The following KLHDC4 variants were observed in gnomAD, a reference collection of about 807,000 sequenced individuals.
The protein encoded by KLHDC4 is kelch domain containing 4.
In KLHDC4, 90 loss-of-function variants were observed where a neutral mutation model predicts 62.4. The observed-to-expected ratio is 1.44, with a 90% CI of 1.22 to 1.72. The LOEUF is 1.72. Ranked by LOEUF, KLHDC4 falls within the 40% of genes most tolerant of loss-of-function variation. The pLI is 0.00. For missense variants in KLHDC4, 1,025 were observed against 699.7 expected (o/e 1.47, Z -5.25); for synonymous variants, 386 against 284.4 (o/e 1.36, Z -3.59).
chr16:87,750,136 G>A (rs1472426148), intron 4 of KLHDC4: 1 of 152,238 alleles, frequency 6.6e-6, no homozygotes, highest in African/African-American at 2.4e-5. Flanking sequence ...AGTCTTTAGG[G>A]GACGGCACAC....
intron 5 of KLHDC4, among the ~76,000 whole-genome samples, chr16:87,748,047 ACTT>A (rs2043303702): frequency 6.6e-6 from 1 of 152,276 alleles, no homozygotes; most frequent in African/African-American, 2.4e-5. Context: ...ATTCGACTAG[ACTT>A]CTTCTCTTAA....
At chr16:87,727,270 A>ACAGAGG in intron 6 of KLHDC4, among the ~76,000 whole-genome samples, 1 of 152,354 alleles carries the variant, frequency 6.6e-6, no homozygotes, top group Middle Eastern at 3.4e-3. Context: ...ATGCTGGCCC[A>ACAGAGG]CAGAGGCAGA....
At chr16:87,732,725 A>AT (rs1361287451) in intron 5 of KLHDC4, among the ~76,000 whole-genome samples, 2 of 151,758 alleles carry the variant, frequency 1.3e-5, no homozygotes, top group African/African-American at 4.9e-5. Context: ...GAAAAACAGC[A>AT]CGTGAAAAGG....
intron 5 of KLHDC4, among the ~76,000 whole-genome samples, chr16:87,736,310 T>C (rs1453585926): frequency 6.6e-6 from 1 of 152,202 alleles, no homozygotes; most frequent in African/African-American, 2.4e-5. Context: ...AGTCTGATCA[T>C]CTTAGCGGAC....
exon 1 of KLHDC4, chr16:87,698,810 G>C (rs1172912328): frequency 6.6e-6 from 1 of 152,298 alleles, no homozygotes; most frequent in South Asian, 2.1e-4. Flanking sequence ...AGGCCCAGGG[G>C]ACCTGCTTCC....
chr16:87,718,305 C>A, intron 7 of KLHDC4, among the ~76,000 whole-genome samples: 1 of 91,656 alleles, frequency 1.1e-5, no homozygotes, highest in Non-Finnish European at 2.1e-5. Context: ...CCCTCTCCCT[C>A]CCCCTCTCCC....
At chr16:87,742,939 G>C (rs1320885654) in intron 5 of KLHDC4, 5 of 152,300 alleles carry the variant, frequency 3.3e-5, no homozygotes, top group Admixed American at 2.6e-4. Flanking sequence ...CAGGTATGAA[G>C]TGACGACGAG....
chr16:87,732,583 A>G (rs2040578988), intron 5 of KLHDC4, among the ~76,000 whole-genome samples: 2 of 152,248 alleles, frequency 1.3e-5, no homozygotes. Flanking sequence ...TAACACATAA[A>G]TAACTACAAT....
intron 1 of KLHDC4, 130 bp downstream of exon 1, chr16:87,765,662 A>G: frequency 4.7e-6 from 4 of 851,862 alleles, no homozygotes; most frequent in Non-Finnish European, 7.0e-6. Flanking sequence ...GGCAGTTCCT[A>G]CGGCCTCCAG....
At chr16:87,748,928 C>T in intron 4 of KLHDC4, 119 bp from the exon 5 acceptor site, 1 of 1,181,202 alleles carries the variant, frequency 8.5e-7, no homozygotes, top group Non-Finnish European at 1.1e-6. Context: ...ACATGACCAG[C>T]CCCACACTCA....
At chr16:87,732,293 A>C (rs2040522074) in intron 5 of KLHDC4, among the ~76,000 whole-genome samples, 1 of 151,888 alleles carries the variant, frequency 6.6e-6, no homozygotes, top group African/African-American at 2.4e-5. Flanking sequence ...ATGGGGTTTC[A>C]TCATATTGGT....
intron 5 of KLHDC4, among the ~76,000 whole-genome samples, chr16:87,746,369 GAGCGAGAA>G (rs2043037857): frequency 6.6e-6 from 1 of 151,748 alleles, no homozygotes; most frequent in Admixed American, 6.6e-5. Flanking sequence ...AAGAGAGAGA[GAGCGAGAA>G]AGAGAGAAAG....
chr16:87,702,197 G>A (rs2034176029), exon 1 of KLHDC4: 1 of 456,176 alleles, frequency 2.2e-6, no homozygotes, highest in Non-Finnish European at 4.4e-6. Flanking sequence ...GACAACCCAA[G>A]GGCTGCCTCC....
In KLHDC4 at chr16:87,755,204, C is replaced by G. The variant is rs138234137; in HGVS notation, c.359G>C (p.Cys120Ser). Reference protein sequence around the residue: ...VDIPSPPPRRCAHQAVVVPQG... With the variant: ...VDIPSPPPRRSAHQAVVVPQG... ...CAGTGCTGACATTACCTGGTGAGCA[C>G]AGCGCCTCGGAGGTGGACTGGGGAT... Residue 120 changes from cysteine (C) to serine (S), a missense_variant, in exon 4 of 12, where the codon TGT becomes TCT. Coordinates refer to ENST00000270583, the MANE Select transcript of KLHDC4 (RefSeq NM_017566.4). The G allele has an allele frequency of 8.1e-6, 13 of 1,608,136 alleles. No individual in the cohort carries two copies. The African/African-American group carries it at 1.6e-4, about 20-fold the overall frequency.
Position 87,765,782 on chromosome 16 carries a change from A to T in KLHDC4, c.99+10T>A, listed in dbSNP as rs746470934. ...ACGTCGGGCCGCTAAGCCCGGTCTG[A>T]CCCGCTCACCTCCTCCTTCCGCGAG... is the stretch of plus-strand genomic sequence containing the variant. On this transcript the variant is annotated intron_variant, in intron 1 of 11. Coordinates refer to ENST00000270583, the MANE Select transcript of KLHDC4 (RefSeq NM_017566.4). 109 of 1,568,786 alleles carry T rather than the reference A, an allele frequency of 6.9e-5. No homozygotes were observed. The highest frequency in any genetic ancestry group is 8.6e-5 in the Non-Finnish European group (99 of 1,157,144).
chr16:87,736,695 T>C lies in KLHDC4; in HGVS notation c.507-6051A>G, dbSNP rs374105651. ...TTCAGGCAACTTATAAACCACACCCTTGTCTCATCTTAATGATTACTACTC... is the reference window on the plus strand; with the variant it reads ...TTCAGGCAACTTATAAACCACACCCCTGTCTCATCTTAATGATTACTACTC... On this transcript the variant is annotated intron_variant, in intron 5 of 11. Coordinates refer to ENST00000270583, the MANE Select transcript of KLHDC4 (RefSeq NM_017566.4). Among the ~76,000 whole-genome samples the C allele has an allele frequency of 1.2e-4, 18 of 152,336 alleles. No homozygotes were observed. In the East Asian group the frequency reaches 1.9e-3, roughly 16 times the overall value.
At chr16:87,742,213 C>T (rs1170478319) in intron 5 of KLHDC4, among the ~76,000 whole-genome samples, 1 of 152,202 alleles carries the variant, frequency 6.6e-6, no homozygotes, top group African/African-American at 2.4e-5. Context: ...GGATGCCACA[C>T]ACCGCAGCCC....
chr16:87,742,688 G>A (rs911334936), intron 5 of KLHDC4, among the ~76,000 whole-genome samples: 3 of 152,174 alleles, frequency 2.0e-5, no homozygotes, highest in Non-Finnish European at 4.4e-5. Flanking sequence ...GGGCAGGAAG[G>A]AGCAGTCTCC....
At chr16:87,720,949 G>A (rs966073179) in intron 7 of KLHDC4, among the ~76,000 whole-genome samples, 4 of 152,176 alleles carry the variant, frequency 2.6e-5, no homozygotes, top group African/African-American at 4.8e-5. Flanking sequence ...GTCCCTCTGC[G>A]TGTCTGAACC....
Sources: gnomAD v4.1 joint callset for allele counts (sites outside exome capture counted in the v4.1 genomes callset) on GRCh38, gnomAD v4.1.1 for gene constraint, MANE v1.5 for transcripts, NCBI Gene and HGNC (gene_info 2026-07-23, HGNC 2026-07-21) for gene names.